Variants in ARL15 observed in about 807,000 individuals in gnomAD.
ARL15 encodes ADP-ribosylation factor-like protein 15.
Under a neutral mutation model 25.2 loss-of-function variants are expected in ARL15, and 19 were observed. The observed-to-expected ratio is 0.75, with a 90% CI of 0.53 to 1.10. The LOEUF (loss-of-function observed/expected upper bound fraction) is 1.10, where lower values mean the gene tolerates loss of function less well. Among genes scored for constraint, ARL15 ranks in the 50% least tolerant of loss-of-function variants. The pLI is 0.00. For missense variants in ARL15, 220 were observed against 246.0 expected, an observed-to-expected ratio of 0.89 and a Z score of 0.71; for synonymous variants, 94 against 86.8, an observed-to-expected ratio of 1.08 and a Z score of -0.46.
intron 4 of ARL15, among the ~76,000 whole-genome samples, chr5:54,070,875 A>G (rs1490421586): frequency 6.6e-6 from 1 of 151,660 alleles, no homozygotes; most frequent in East Asian, 1.9e-4. Context: ...AAAGAAATAC[A>G]TTTCTTTTCT....
At chr5:54,017,092 T>C (rs1429311808) in intron 4 of ARL15, among the ~76,000 whole-genome samples, 1 of 152,204 alleles carries the variant, frequency 6.6e-6, no homozygotes. Flanking sequence ...CTGCCCTGTG[T>C]TGCATCCAGC....
intron 4 of ARL15, among the ~76,000 whole-genome samples, chr5:53,955,817 T>C (rs1747132128): frequency 6.6e-6 from 1 of 152,184 alleles, no homozygotes; most frequent in African/African-American, 2.4e-5. Flanking sequence ...GTACCTTATT[T>C]ACAAAGAATT....
intron 4 of ARL15, among the ~76,000 whole-genome samples, chr5:54,070,386 C>T (rs1161861330): frequency 2.6e-5 from 4 of 151,056 alleles, no homozygotes; most frequent in Non-Finnish European, 5.9e-5. Flanking sequence ...AGCGAGACTC[C>T]GTCTCAAAAA....
chr5:54,034,220 TC>T (rs955835588), intron 4 of ARL15, among the ~76,000 whole-genome samples: 2 of 152,206 alleles, frequency 1.3e-5, no homozygotes, highest in African/African-American at 4.8e-5. Context: ...CCCATTGTTT[TC>T]ACTAAAATTG....
intron 4 of ARL15, among the ~76,000 whole-genome samples, chr5:54,042,585 C>T (rs1158044525): frequency 6.6e-6 from 1 of 152,184 alleles, no homozygotes; most frequent in African/African-American, 2.4e-5. Context: ...ATTGACAGGT[C>T]TCTACCCCAA....
rs183205923 is a variant in ARL15 at position 54,002,927 on chromosome 5, C to A, written c.462+110275G>T. ...TCAAATTCTGCATTGTGAGAAAGCC[C>A]AAAAGTAGGCCTTTAACCAGGTCTT... On this transcript the variant is annotated intron_variant, in intron 4 of 4. Coordinates refer to ENST00000504924, the MANE Select transcript of ARL15 (RefSeq NM_019087.3). Among the ~76,000 whole-genome samples, 824 of 152,186 alleles carry A rather than the reference C, an allele frequency of 5.4e-3. 4 individuals carry two copies. The highest frequency in any genetic ancestry group is 0.011 in the Admixed American group (169 of 15,286).
chr5:54,138,409 T>A (rs1753669841), intron 3 of ARL15, among the ~76,000 whole-genome samples: 1 of 152,042 alleles, frequency 6.6e-6, no homozygotes, highest in Admixed American at 6.6e-5. Context: ...CACACAAAAA[T>A]ATAAATTGAG....
intron 1 of ARL15, among the ~76,000 whole-genome samples, chr5:54,278,713 A>G (rs1047968105): frequency 6.6e-6 from 1 of 152,134 alleles, no homozygotes; most frequent in Admixed American, 6.5e-5. Flanking sequence ...TTCTACCTAT[A>G]CCTTAAGTTT....
At chr5:53,989,311 C>T (rs1276992514) in intron 4 of ARL15, among the ~76,000 whole-genome samples, 2 of 152,254 alleles carry the variant, frequency 1.3e-5, no homozygotes, top group African/African-American at 4.8e-5. Flanking sequence ...ATTCTATGAT[C>T]GTGTGTTAAA....
chr5:54,054,805 T>A (rs528217473), intron 4 of ARL15, among the ~76,000 whole-genome samples: 51 of 151,860 alleles, frequency 3.4e-4, no homozygotes, highest in African/African-American at 1.2e-3. Flanking sequence ...AATAAAAGAA[T>A]ACTAGATGAG....
chr5:54,190,288 G>A (rs1755359329), intron 1 of ARL15, among the ~76,000 whole-genome samples: 1 of 152,004 alleles, frequency 6.6e-6, no homozygotes, highest in South Asian at 2.1e-4. Context: ...AGCTACTCAG[G>A]AGGCTGAGGC....
intron 1 of ARL15, among the ~76,000 whole-genome samples, chr5:54,277,577 A>C (rs950146972): frequency 1.3e-5 from 2 of 152,038 alleles, no homozygotes; most frequent in Non-Finnish European, 2.9e-5. Flanking sequence ...TGGTGAAACC[A>C]CGTCTCTACT....
chr5:53,962,202 T>C (rs924211407), intron 4 of ARL15, among the ~76,000 whole-genome samples: 1 of 152,200 alleles, frequency 6.6e-6, no homozygotes, highest in Non-Finnish European at 1.5e-5. Context: ...TAGCTAACAG[T>C]TGGAGACCAT....
chr5:53,982,840 G>A (rs572219502), intron 4 of ARL15, among the ~76,000 whole-genome samples: 8 of 152,082 alleles, frequency 5.3e-5, no homozygotes, highest in African/African-American at 1.7e-4. Flanking sequence ...CATCCTCTCC[G>A]GCACCTGTTG....
At chr5:54,301,253 CAT>C (rs1491344029) in intron 1 of ARL15, among the ~76,000 whole-genome samples, 2 of 152,116 alleles carry the variant, frequency 1.3e-5, no homozygotes, top group African/African-American at 4.8e-5. Flanking sequence ...ATTCACTCAA[CAT>C]TTTTTTTTAG....
At chr5:54,086,442 C>CTT (rs35248295) in intron 4 of ARL15, among the ~76,000 whole-genome samples, 111 of 146,452 alleles carry the variant, frequency 7.6e-4, no homozygotes, top group South Asian at 3.3e-3. Context: ...ATGAAAAGGC[C>CTT]TTTTTTTTTT....
chr5:54,226,844 C>T (rs1423520386), intron 1 of ARL15, among the ~76,000 whole-genome samples: 1 of 152,120 alleles, frequency 6.6e-6, no homozygotes, highest in African/African-American at 2.4e-5. Context: ...CCATAATTCC[C>T]AAGTGTTGTG....
intron 4 of ARL15, among the ~76,000 whole-genome samples, chr5:53,921,744 C>A (rs1745866564): frequency 6.6e-6 from 1 of 152,096 alleles, no homozygotes. Context: ...TGCACTCCAG[C>A]CTGGGTGACA....
At chr5:54,087,243 G>C (rs1166259654) in intron 4 of ARL15, among the ~76,000 whole-genome samples, 1 of 152,072 alleles carries the variant, frequency 6.6e-6, no homozygotes, top group Non-Finnish European at 1.5e-5. Flanking sequence ...CATGAGAATG[G>C]TGTGAATCCG....
Sources: gnomAD v4.1 joint callset for allele counts (sites outside exome capture counted in the v4.1 genomes callset) on GRCh38, gnomAD v4.1.1 for gene constraint, MANE v1.5 for transcripts, NCBI Gene and HGNC (gene_info 2026-07-23, HGNC 2026-07-21) for gene names.